Variants in ADGRB3 observed in about 807,000 individuals in gnomAD.
ADGRB3 encodes the protein adhesion G protein-coupled receptor B3.
ADGRB3 carries 37 observed loss-of-function variants against 193.4 expected under a neutral mutation model. That is an observed-to-expected ratio of 0.19 (90% CI 0.15 to 0.25). ADGRB3 has a LOEUF of 0.25. ADGRB3 is among the 10% of genes least tolerant of loss of function. ADGRB3 has a pLI of 1.00. For missense variants in ADGRB3, 1,637 were observed against 1,852.9 expected (o/e 0.88, Z 2.14); for synonymous variants, 690 against 644.2 (o/e 1.07, Z -1.08).
At chr6:68,707,945 G>A (rs1765352037) in intron 3 of ADGRB3, among the ~76,000 whole-genome samples, 1 of 152,176 alleles carries the variant, frequency 6.6e-6, no homozygotes, top group Non-Finnish European at 1.5e-5. Flanking sequence ...TGTGCAAGAG[G>A]ATGGCTAAGC....
intron 3 of ADGRB3, among the ~76,000 whole-genome samples, chr6:68,716,826 A>G (rs1053765808): frequency 6.6e-6 from 1 of 151,714 alleles, no homozygotes; most frequent in Non-Finnish European, 1.5e-5. Flanking sequence ...GCATCCAGGC[A>G]AAATGTTTTA....
At chr6:68,807,175 A>G (rs959671678) in intron 3 of ADGRB3, among the ~76,000 whole-genome samples, 2 of 148,600 alleles carry the variant, frequency 1.3e-5, no homozygotes, top group African/African-American at 5.0e-5. Context: ...TTTATTGAAT[A>G]TATTCCTTCT....
At chr6:68,842,425 G>T (rs531463451) in intron 3 of ADGRB3, among the ~76,000 whole-genome samples, 2 of 151,984 alleles carry the variant, frequency 1.3e-5, no homozygotes, top group African/African-American at 4.8e-5. Flanking sequence ...AGACCTAGAA[G>T]AAATGAATAA....
intron 11 of ADGRB3, among the ~76,000 whole-genome samples, chr6:69,006,848 T>C (rs1337992522): frequency 1.3e-5 from 2 of 152,200 alleles, no homozygotes; most frequent in East Asian, 1.9e-4. Flanking sequence ...CTTTTTTTTA[T>C]TTATTTCTCT....
At chr6:69,142,555 T>A (rs1299824783) in intron 17 of ADGRB3, among the ~76,000 whole-genome samples, 1 of 152,160 alleles carries the variant, frequency 6.6e-6, no homozygotes, top group Non-Finnish European at 1.5e-5. Context: ...CAAATTCATG[T>A]TTTTGGTTAT....
intron 22 of ADGRB3, 105 bp downstream of exon 22, chr6:69,327,994 A>G: frequency 1.1e-6 from 1 of 914,932 alleles, no homozygotes. Flanking sequence ...AATCATTAAC[A>G]ATGGTAGAAA....
chr6:68,845,924 G>C (rs1246275540), intron 3 of ADGRB3, among the ~76,000 whole-genome samples: 1 of 152,134 alleles, frequency 6.6e-6, no homozygotes, highest in African/African-American at 2.4e-5. Context: ...GATTTCGAGG[G>C]CTCAGAAGAA....
intron 11 of ADGRB3, among the ~76,000 whole-genome samples, chr6:69,013,179 T>C (rs73467725): frequency 0.032 from 4,830 of 152,124 alleles, 269 homozygotes; most frequent in African/African-American, 0.11. Context: ...AGTCTCTCTC[T>C]GGTAAAAATC....
intron 11 of ADGRB3, among the ~76,000 whole-genome samples, chr6:68,999,934 G>T (rs1050547011): frequency 1.3e-5 from 2 of 151,522 alleles, no homozygotes; most frequent in Non-Finnish European, 2.9e-5. Flanking sequence ...TTAGAAAACT[G>T]CTCTGAATAT....
intron 30 of ADGRB3, among the ~76,000 whole-genome samples, chr6:69,375,100 T>A (rs1486665650): frequency 1.3e-5 from 2 of 152,028 alleles, no homozygotes; most frequent in Non-Finnish European, 2.9e-5. Context: ...GAGACTAAAG[T>A]GAGTAATTTA....
chr6:69,146,821 CTTTTTT>C (rs756561473), intron 17 of ADGRB3, among the ~76,000 whole-genome samples: 27 of 103,222 alleles, frequency 2.6e-4, no homozygotes, highest in African/African-American at 7.5e-4. Flanking sequence ...CTCATTACTT[CTTTTTT>C]TTTTTTTTTT....
intron 3 of ADGRB3, among the ~76,000 whole-genome samples, chr6:68,906,195 G>C (rs1239815461): frequency 6.6e-6 from 1 of 151,290 alleles, no homozygotes; most frequent in Non-Finnish European, 1.5e-5. Context: ...TTCATTATTA[G>C]TAGTTGTTCC....
rs561743757 is a variant in ADGRB3 at position 69,359,863 on chromosome 6, A to G, written c.3596-1006A>G. ...CTTTCAATTCCAAAGTTACAAAAATAAGTCTTCAGAATTTTATTCATTTGT... is the reference window on the plus strand; with the variant it reads ...CTTTCAATTCCAAAGTTACAAAAATGAGTCTTCAGAATTTTATTCATTTGT... On this transcript the variant is annotated intron_variant, in intron 28 of 31. Coordinates refer to ENST00000370598, the MANE Select transcript of ADGRB3 (RefSeq NM_001704.3). Among the ~76,000 whole-genome samples, 3 of 152,028 alleles carry G rather than the reference A, an allele frequency of 2.0e-5. No homozygotes were observed. In the East Asian group the frequency reaches 5.8e-4, roughly 29 times the overall value.
At chr6:68,774,606 A>T (rs565911594) in intron 3 of ADGRB3, among the ~76,000 whole-genome samples, 1 of 151,834 alleles carries the variant, frequency 6.6e-6, no homozygotes, top group East Asian at 1.9e-4. Flanking sequence ...CTGCCTTTTT[A>T]TATTTATTGC....
chr6:68,771,182 T>C (rs1201443190), intron 3 of ADGRB3, among the ~76,000 whole-genome samples: 2 of 152,140 alleles, frequency 1.3e-5, no homozygotes, highest in Non-Finnish European at 2.9e-5. Flanking sequence ...TATGGAATGT[T>C]TCAAATTCCA....
rs80182451 is a variant in ADGRB3, at chr6:68,875,547, G to A, written c.758-55012G>A. On this transcript the variant is annotated intron_variant, in intron 3 of 31. Transcript: ENST00000370598. ...TTAGTACTGGACTTTTCTTATTCCTGATGTATGACTATTATTTACTGAGAT... is the reference window on the plus strand; with the variant it reads ...TTAGTACTGGACTTTTCTTATTCCTAATGTATGACTATTATTTACTGAGAT... Among the ~76,000 whole-genome samples the A allele has an allele frequency of 1.5e-3, 230 of 151,744 alleles. 5 individuals are homozygous for A. The East Asian group carries it at 0.043, about 28-fold the overall frequency.
In ADGRB3 at chr6:68,940,547, C is replaced by CT; in HGVS notation, c.1031-3262dup. Among the ~76,000 whole-genome samples, 496 of 69,194 alleles carry CT rather than the reference C, an allele frequency of 7.2e-3. 22 individuals are homozygous for CT. Among genetic ancestry groups the CT allele is most frequent in the African/African-American group, 0.022 (380 of 17,564 alleles). 45.4% of individuals were successfully genotyped at this position (69,194 alleles called of 152,430 possible). A position where few individuals can be genotyped will look rare whatever the true frequency, so the allele number is the denominator to read the frequency against. Reference sequence around the variant, plus strand: ...CTGCAGGCTAAGGAATGCTTTTGAACTTTTTTTTTTTTTTTTTTTTTGCTA... The same window carrying CT: ...CTGCAGGCTAAGGAATGCTTTTGAACTTTTTTTTTTTTTTTTTTTTTTGCTA... On this transcript the variant is annotated intron_variant, in intron 5 of 31. Coordinates refer to ENST00000370598, the MANE Select transcript of ADGRB3 (RefSeq NM_001704.3).
intron 3 of ADGRB3, among the ~76,000 whole-genome samples, chr6:68,892,545 T>C (rs1367832866): frequency 6.6e-6 from 1 of 152,176 alleles, no homozygotes; most frequent in Non-Finnish European, 1.5e-5. Flanking sequence ...TCATAATTTC[T>C]ATTTATTTAT....
At chr6:69,245,933 A>G (rs1766490370) in intron 20 of ADGRB3, among the ~76,000 whole-genome samples, 1 of 152,140 alleles carries the variant, frequency 6.6e-6, no homozygotes, top group Non-Finnish European at 1.5e-5. Flanking sequence ...ATAAATTTGA[A>G]TATATTTGTG....
Sources: gnomAD v4.1 joint callset for allele counts (sites outside exome capture counted in the v4.1 genomes callset) on GRCh38, gnomAD v4.1.1 for gene constraint, MANE v1.5 for transcripts, NCBI Gene and HGNC (gene_info 2026-07-23, HGNC 2026-07-21) for gene names.